The following PAK1IP1 variants were observed in gnomAD, a reference collection of about 807,000 sequenced individuals.
PAK1IP1 encodes p21-activated protein kinase-interacting protein 1.
Under a neutral mutation model 42.0 loss-of-function variants are expected in PAK1IP1, and 24 were observed. The ratio of observed to expected loss-of-function variants is 0.57; its 90% CI spans 0.41 to 0.80. PAK1IP1 has a LOEUF of 0.80. Ranked by LOEUF, PAK1IP1 falls within the 30% of genes least tolerant of loss-of-function variation. The probability of loss-of-function intolerance (pLI) is 0.00; values close to 1 mark genes in which losing one functional copy is unlikely to be tolerated. For missense variants in PAK1IP1, 411 were observed against 467.9 expected (o/e 0.88, Z 1.12); for synonymous variants, 154 against 156.7 (o/e 0.98, Z 0.13).
rs1226158270 is a variant in PAK1IP1 at position 10,703,416 on chromosome 6, T to C, written c.455T>C (p.Leu152Pro). The C allele has an allele frequency of 2.5e-6, 4 of 1,611,892 alleles. No individual in the cohort carries two copies. Among genetic ancestry groups the C allele is most frequent in the Non-Finnish European group, 3.4e-6 (4 of 1,178,550 alleles). Residue 152 changes from leucine (L) to proline (P), a missense_variant, in exon 5 of 10, where the codon CTT becomes CCT. Leu to Pro is a moderately conservative substitution (Grantham distance 98, BLOSUM62 -3). Transcript: ENST00000379568. ...GTDKTLRTWN[L>P]VEGRSAFIKN... The stretch of plus-strand genomic sequence containing the variant: ...TTCCTGTTTTGCAGAACGTGGAATC[T>C]TGTAGAAGGAAGATCAGCATTCATA...
At chr6:10,706,097 A>T (rs1354673696) in intron 7 of PAK1IP1, among the ~76,000 whole-genome samples, 1 of 152,190 alleles carries the variant, frequency 6.6e-6, no homozygotes, top group Non-Finnish European at 1.5e-5. Context: ...GAGGCAATAG[A>T]TTATAAGCAA....
At chr6:10,693,146 T>TAG (rs1450104183), upstream of PAK1IP1, among the ~76,000 whole-genome samples, 2 of 152,204 alleles carry the variant, frequency 1.3e-5, no homozygotes, top group Non-Finnish European at 2.9e-5. Context: ...CACAGCCTGT[T>TAG]TAGCAAATCG....
intron 2 of PAK1IP1, 118 bp from the exon 3 acceptor site, chr6:10,702,251 A>G: frequency 2.4e-6 from 2 of 833,742 alleles, no homozygotes; most frequent in Non-Finnish European, 1.8e-6. Flanking sequence ...AAAAAAAAAA[A>G]AAAGAAAAAG....
At position 10,695,023 on chromosome 6, in the gene PAK1IP1, T is replaced by C. The variant is rs915535382; in HGVS notation, c.38T>C (p.Phe13Ser). The change falls in exon 1 of 10, where the codon TTT (phenylalanine) becomes TCT (serine). Residue 13 changes from phenylalanine (F) to serine (S), a missense_variant. Physicochemically the swap from Phe to Ser is radical, Grantham distance 155 (BLOSUM62 -2). Coordinates refer to ENST00000379568, the MANE Select transcript of PAK1IP1 (RefSeq NM_017906.3). ...GCTGGTTGCTACGAGCAGGTCCTCT[T>C]TGGGTTCGCTGTACACCCGGAGCCC... ...LVAGCYEQVLFGFAVHPEPEA... is the reference protein window; with the variant it reads ...LVAGCYEQVLSGFAVHPEPEA... 3.1e-6 allele frequency: 5 copies of C among 1,603,094 alleles called. No individual in the cohort carries two copies. Among genetic ancestry groups the C allele is most frequent in the Non-Finnish European group, 4.2e-6 (5 of 1,179,686 alleles).
chr6:10,706,262 C>A (rs1170046187), intron 7 of PAK1IP1, among the ~76,000 whole-genome samples: 1 of 151,946 alleles, frequency 6.6e-6, no homozygotes, highest in Non-Finnish European at 1.5e-5. Flanking sequence ...GGTGCAAAGA[C>A]CCTGAGGGAG....
chr6:10,705,516 C>G (rs1203064275), intron 7 of PAK1IP1, among the ~76,000 whole-genome samples: 1 of 152,162 alleles, frequency 6.6e-6, no homozygotes, highest in East Asian at 1.9e-4. Context: ...CTTCTTCCCC[C>G]TTTCCATGTG....
chr6:10,708,798 C>CAT lies in PAK1IP1; in HGVS notation c.841-154_841-153insTA, dbSNP rs556851932. Among the ~76,000 whole-genome samples the CAT allele has an allele frequency of 5.8e-3, 877 of 152,014 alleles. 7 individuals are homozygous for CAT. The highest frequency in any genetic ancestry group is 0.02 in the African/African-American group (833 of 41,464). On this transcript the variant is annotated intron_variant, in intron 8 of 9. Coordinates refer to ENST00000379568, the MANE Select transcript of PAK1IP1 (RefSeq NM_017906.3). ...CATGCAAAATTGGCTCTGTGAATAA[C>CAT]AGTCAAACTAATCATGAGTGAAGAT...
At chr6:10,698,976 C>T (rs111324235) in intron 2 of PAK1IP1, among the ~76,000 whole-genome samples, 12,281 of 151,744 alleles carry the variant, frequency 0.081, 1,486 homozygotes, top group African/African-American at 0.26. Flanking sequence ...CGAGGTGGGC[C>T]GAGCGTGAGG....
rs35245480 is a variant in PAK1IP1, at chr6:10,695,963, AT to A, written c.84+906del. 1.2e-3 allele frequency among the ~76,000 whole-genome samples: 169 copies of A among 146,414 alleles called. 1 individual carries two copies. Among genetic ancestry groups the A allele is most frequent in the Admixed American group, 4.1e-3 (61 of 14,722 alleles). On this transcript the variant is annotated intron_variant, in intron 1 of 9. Transcript: ENST00000379568. The stretch of plus-strand genomic sequence containing the variant: ...GAATAGTCAAAGATGATGCTATTTA[AT>A]TTTTTTTTTTTGTAGTGAAATTACT...
upstream of PAK1IP1, chr6:10,694,598 A>C (rs910744724): frequency 1.2e-5 from 2 of 172,048 alleles, no homozygotes; most frequent in Non-Finnish European, 2.5e-5. Context: ...TACAGCCCCT[A>C]AGCAACCGGC....
chr6:10,691,414 G>C (rs1275633672), upstream of PAK1IP1, among the ~76,000 whole-genome samples: 2 of 152,020 alleles, frequency 1.3e-5, no homozygotes, highest in Non-Finnish European at 2.9e-5. Context: ...TACATGACTG[G>C]GGGGCTGCAT....
chr6:10,700,288 C>T (rs950211486), intron 2 of PAK1IP1, among the ~76,000 whole-genome samples: 3 of 152,076 alleles, frequency 2.0e-5, no homozygotes, highest in Non-Finnish European at 4.4e-5. Flanking sequence ...GAACTCTTGA[C>T]CTCAAGTGAT....
At chr6:10,694,254 C>T (rs1769636900), upstream of PAK1IP1, among the ~76,000 whole-genome samples, 1 of 131,122 alleles carries the variant, frequency 7.6e-6, no homozygotes, top group Non-Finnish European at 1.5e-5. Flanking sequence ...GAGCGAAACT[C>T]CGTCTCAAAA....
In PAK1IP1 at chr6:10,702,625, A is replaced by G; in HGVS notation, c.429A>G (p.Thr143=). The G allele has an allele frequency of 6.2e-7, 1 of 1,612,408 alleles. No individual in the cohort carries two copies. Among genetic ancestry groups the G allele is most frequent in the South Asian group, 1.1e-5 (1 of 91,056 alleles). ...PSGKLALSVG[T]DKTLRTWNLV... Reference sequence around the variant, plus strand: ...GCAAGTTGGCCCTGTCGGTTGGTACAGATAAAACTTTAAGGTAAGTCATTA... The same window carrying G: ...GCAAGTTGGCCCTGTCGGTTGGTACGGATAAAACTTTAAGGTAAGTCATTA... Residue 143 remains threonine, a synonymous_variant, in exon 4 of 10, where the codon ACA becomes ACG. Transcript: ENST00000379568.
chr6:10,707,735 C>G (rs1400582537), intron 8 of PAK1IP1, among the ~76,000 whole-genome samples: 1 of 152,152 alleles, frequency 6.6e-6, no homozygotes, highest in Non-Finnish European at 1.5e-5. Flanking sequence ...TCGCGCTGCT[C>G]TTTTTAGTCA....
rs1157687966 is a variant in PAK1IP1, at chr6:10,697,303, GTA to G, written c.85-19_85-18del. 1.2e-6 allele frequency: 2 copies of G among 1,605,982 alleles called. No individual in the cohort carries two copies. The highest frequency in any genetic ancestry group is 4.5e-5 in the East Asian group (2 of 44,630). On this transcript the variant is annotated intron_variant, in intron 1 of 9. Coordinates refer to ENST00000379568, the MANE Select transcript of PAK1IP1 (RefSeq NM_017906.3). ...AACTGTGGTGTGACTGGCATTAATT[GTA>G]TGTTTTCATCTTCAGCAGCAATGGA...
In PAK1IP1 at chr6:10,700,119, C is replaced by T. The variant is rs569147986; in HGVS notation, c.248-2250C>T. Among the ~76,000 whole-genome samples, 417 of 152,160 alleles carry T rather than the reference C, an allele frequency of 2.7e-3. 1 individual carries two copies. Among genetic ancestry groups the T allele is most frequent in the Non-Finnish European group, 4.8e-3 (329 of 67,998 alleles). ...TGTCACCCAGGCTGGAGTGCAGTGG[C>T]GCGATCTCGGCTCACTGCAGCTTCT... is the stretch of plus-strand genomic sequence containing the variant. On this transcript the variant is annotated intron_variant, in intron 2 of 9. Coordinates refer to ENST00000379568, the MANE Select transcript of PAK1IP1 (RefSeq NM_017906.3).
At chr6:10,694,604 CCGG>C, upstream of PAK1IP1, 22 of 196,366 alleles carry the variant, frequency 1.1e-4, no homozygotes, top group Admixed American at 3.8e-4. Context: ...CCCTAAGCAA[CCGG>C]CCGGAAGTCG....
chr6:10,694,612 AAGTCGGCCCCACCTCC>A, upstream of PAK1IP1: 5 of 183,288 alleles, frequency 2.7e-5, no homozygotes, highest in South Asian at 9.7e-5. Context: ...AACCGGCCGG[AAGTCGGCCCCACCTCC>A]TCCTGATGTC....
Sources: gnomAD v4.1 joint callset for allele counts (sites outside exome capture counted in the v4.1 genomes callset) on GRCh38, gnomAD v4.1.1 for gene constraint, MANE v1.5 for transcripts, NCBI Gene and HGNC (gene_info 2026-07-23, HGNC 2026-07-21) for gene names.